HDLBP: variants seen among roughly 807,000 people sequenced by gnomAD.
HDLBP encodes the protein high density lipoprotein binding protein, also known as vigilin.
Under a neutral mutation model 137.3 loss-of-function variants are expected in HDLBP, and 30 were observed. The ratio of observed to expected loss-of-function variants is 0.22; its 90% confidence interval spans 0.16 to 0.30. The LOEUF is 0.30. Among genes scored for constraint, HDLBP ranks in the 10% least tolerant of loss-of-function variants. HDLBP has a pLI of 1.00. For synonymous variants in HDLBP, 606 were observed against 596.0 expected (o/e 1.02, Z -0.24); for missense variants, 1,119 against 1,667.3 (o/e 0.67, Z 5.73).
intron 5 of HDLBP, among the ~76,000 whole-genome samples, chr2:241,261,361 G>T (rs1379861685): frequency 6.6e-6 from 1 of 152,176 alleles, no homozygotes; most frequent in African/African-American, 2.4e-5. Context: ...AACAGAGACT[G>T]GGTTAAAAAG....
In HDLBP at chr2:241,272,531, G is replaced by A; in HGVS notation, c.-102-3990C>T. The A allele has an allele frequency of 2.0e-6, 2 of 984,594 alleles. No homozygotes were observed. Among genetic ancestry groups the A allele is most frequent in the South Asian group, 4.7e-5 (1 of 21,278 alleles). 61.0% of individuals were successfully genotyped at this position (984,594 alleles called of 1,614,324 possible). Reference sequence around the variant, plus strand: ...CCCCTCCGCGCCACGGCCACGCGCAGAAGAGACTCGGAGCCGGCCCCAGGT... The same window carrying A: ...CCCCTCCGCGCCACGGCCACGCGCAAAAGAGACTCGGAGCCGGCCCCAGGT... On this transcript the variant is annotated intron_variant, in intron 1 of 27. Transcript: ENST00000310931. This position sits in a 1 kb window ranked among gnomAD's most constrained non-coding sequence, Gnocchi z 5.6.
intron 1 of HDLBP, chr2:241,269,208 T>C (rs1352029319): frequency 6.6e-6 from 1 of 152,136 alleles, no homozygotes; most frequent in East Asian, 1.9e-4. Context: ...CACCTTGCCT[T>C]AGGGGACTCT....
At chr2:241,314,736 C>A (rs918235282) in intron 1 of HDLBP, among the ~76,000 whole-genome samples, 14 of 152,188 alleles carry the variant, frequency 9.2e-5, no homozygotes, top group African/African-American at 3.1e-4. Context: ...GAGCACCTAA[C>A]CACTTTTCAA....
Position 241,272,576 on chromosome 2 carries a change from C to G in HDLBP, c.-102-4035G>C, listed in dbSNP as rs1433052938. ...CCAGGTCTGGCCCGGAACCGCCACG[C>G]GCGGTAAGCAGGACACCCGCGGGCG... On this transcript the variant is annotated intron_variant, in intron 1 of 27. Transcript: ENST00000310931. This position sits in a 1 kb window ranked among gnomAD's most constrained non-coding sequence, Gnocchi z 5.6. 1.0e-6 allele frequency: 1 copy of G among 984,284 alleles called. No homozygotes were observed. The highest frequency in any genetic ancestry group is 1.8e-5 in the African/African-American group (1 of 57,080). 61.0% of individuals were successfully genotyped at this position (984,284 alleles called of 1,614,324 possible). A position where few individuals can be genotyped will look rare whatever the true frequency, so the allele number is the denominator to read the frequency against.
chr2:241,302,179 G>A (rs554478031), intron 1 of HDLBP, among the ~76,000 whole-genome samples: 2 of 152,140 alleles, frequency 1.3e-5, no homozygotes, highest in East Asian at 3.9e-4. Flanking sequence ...GATCATTTGA[G>A]CCCAGGAGTT....
intron 11 of HDLBP, among the ~76,000 whole-genome samples, chr2:241,252,226 G>A (rs1427467111): frequency 2.0e-5 from 3 of 152,198 alleles, no homozygotes; most frequent in Non-Finnish European, 4.4e-5. Context: ...CCCCTGCTGG[G>A]TGTGGTGGCT....
chr2:241,237,029 CTG>C (rs2070615366), intron 20 of HDLBP, among the ~76,000 whole-genome samples: 1 of 145,484 alleles, frequency 6.9e-6, no homozygotes, highest in Non-Finnish European at 1.5e-5. Flanking sequence ...GCCGTGAGCT[CTG>C]TGTCTCCCTT....
At position 241,239,737 on chromosome 2, in the gene HDLBP, C is replaced by T; in HGVS notation, c.2475G>A (p.Glu825=). ...TCACCCCGCCATACTCTTCAGCAAT[C>T]TCCCGCAAGACCTGGCCTCTGCGGA... is the stretch of plus-strand genomic sequence containing the variant. ...FVIRRGQVLR[E]IAEEYGGVMV... is the part of the protein sequence containing the mutation. The change falls in exon 19 of 28, where the codon GAG becomes GAA. Residue 825 remains glutamate (E), a synonymous_variant. Coordinates refer to ENST00000310931, the MANE Select transcript of HDLBP (RefSeq NM_005336.6). The surrounding 1 kb of genome is among the most constrained non-coding windows in gnomAD (Gnocchi z 4.6). 5 of 1,614,230 alleles carry T rather than the reference C, an allele frequency of 3.1e-6. No homozygotes were observed. Among genetic ancestry groups the T allele is most frequent in the African/African-American group, 1.3e-5 (1 of 75,064 alleles).
chr2:241,250,660 C>T (rs1045174287), intron 11 of HDLBP: 3 of 152,402 alleles, frequency 2.0e-5, no homozygotes, highest in Non-Finnish European at 2.9e-5. Context: ...GGAAGCCCAG[C>T]TTGCTGGAAG....
At position 241,242,577 on chromosome 2, in the gene HDLBP, G is replaced by A. The variant is rs369640609; in HGVS notation, c.2052C>T (p.Gly684=). 3.7e-5 allele frequency: 59 copies of A among 1,614,054 alleles called. No homozygotes were observed. Among genetic ancestry groups the A allele is most frequent in the Admixed American group, 1.5e-4 (9 of 59,994 alleles). The part of the protein sequence containing the change: ...RLIRSIMEEC[G]GVHIHFPVEG... The stretch of plus-strand genomic sequence containing the variant: ...CCACGGGAAAGTGAATGTGGACCCC[G>A]CCGCACTCCTCCATGATGGAGCGGA... The change falls in exon 17 of 28, where the codon GGC becomes GGT. Residue 684 remains glycine, a synonymous_variant. Transcript: ENST00000310931.
At chr2:241,302,441 G>T (rs532644020) in intron 1 of HDLBP, among the ~76,000 whole-genome samples, 48 of 152,244 alleles carry the variant, frequency 3.2e-4, no homozygotes, top group African/African-American at 1.2e-3. Context: ...TAGCTACTCG[G>T]CAGAAGCAGG....
Position 241,233,684 on chromosome 2 carries a change from AT to A in HDLBP, c.3288+135del. On this transcript the variant is annotated intron_variant, in intron 24 of 27. Coordinates refer to ENST00000310931, the MANE Select transcript of HDLBP (RefSeq NM_005336.6). The surrounding 1 kb of genome is among the most constrained non-coding windows in gnomAD (Gnocchi z 4.3). ...GACACAGCCCAAACCTCAAGCCAGA[AT>A]TAGGTCCTGAGAGACTTGCCACTCT... 1 of 895,580 alleles carries A rather than the reference AT, an allele frequency of 1.1e-6. No homozygotes were observed. 55.5% of individuals were successfully genotyped at this position (895,580 alleles called of 1,614,324 possible). A position where few individuals can be genotyped will look rare whatever the true frequency, so the allele number is the denominator to read the frequency against.
Position 241,272,270 on chromosome 2 carries a change from C to T in HDLBP, c.-102-3729G>A, listed in dbSNP as rs1453401491. ...CGCCGCCACCTGGGGGGAAGGACCC[C>T]GCTGGCCTCCCAGGGACCCCCACCC... On this transcript the variant is annotated intron_variant, in intron 1 of 27. Coordinates refer to ENST00000310931, the MANE Select transcript of HDLBP (RefSeq NM_005336.6). The surrounding 1 kb of genome is among the most constrained non-coding windows in gnomAD (Gnocchi z 5.6). 1.0e-6 allele frequency: 1 copy of T among 975,772 alleles called. No homozygotes were observed. The highest frequency in any genetic ancestry group is 1.2e-6 in the Non-Finnish European group (1 of 821,368). The allele number at this position is 975,772 out of a possible 1,614,324, so 60.4% of individuals were successfully genotyped here. A position where few individuals can be genotyped will look rare whatever the true frequency, so the allele number is the denominator to read the frequency against.
chr2:241,238,515 T>A lies in HDLBP; in HGVS notation c.2749+134A>T, dbSNP rs2070828182. On this transcript the variant is annotated intron_variant, in intron 20 of 27. Coordinates refer to ENST00000310931, the MANE Select transcript of HDLBP (RefSeq NM_005336.6). This position sits in a 1 kb window ranked among gnomAD's most constrained non-coding sequence, Gnocchi z 4.9. ...AGGCCAGGGAGTGACCCTGAACCTC[T>A]GGAAGCCCCCAGAATACATAGATGG... 2 of 682,906 alleles carry A rather than the reference T, an allele frequency of 2.9e-6. No homozygotes were observed. The highest frequency in any genetic ancestry group is 3.6e-5 in the African/African-American group (2 of 55,250). 42.3% of individuals were successfully genotyped at this position (682,906 alleles called of 1,614,324 possible).
intron 1 of HDLBP, chr2:241,273,758 C>A: frequency 4.2e-6 from 3 of 710,028 alleles, no homozygotes; most frequent in Non-Finnish European, 5.2e-6. Context: ...GGAATGGGGT[C>A]AGGTCCGCAC....
intron 1 of HDLBP, among the ~76,000 whole-genome samples, chr2:241,288,705 C>T (rs1166861829): frequency 2.0e-5 from 3 of 152,312 alleles, no homozygotes; most frequent in Admixed American, 2.0e-4. Flanking sequence ...CCCTGAGCCG[C>T]TGAAAGGTGT....
At chr2:241,255,298 C>T (rs1271425636) in intron 8 of HDLBP, 76 bp downstream of exon 8, 16 of 1,467,068 alleles carry the variant, frequency 1.1e-5, no homozygotes, top group Non-Finnish European at 1.4e-5. Context: ...CCAGGATTTA[C>T]AAATCGAGAG....
intron 23 of HDLBP, 97 bp from the exon 24 acceptor site, chr2:241,234,060 T>A: frequency 7.2e-7 from 1 of 1,392,216 alleles, no homozygotes. Context: ...CTGGAGATGC[T>A]GCAGTGTTCT....
intron 1 of HDLBP, among the ~76,000 whole-genome samples, chr2:241,309,580 G>C (rs890015146): frequency 1.3e-5 from 2 of 152,206 alleles, no homozygotes; most frequent in African/African-American, 4.8e-5. Flanking sequence ...CAGGAGACCT[G>C]AATTAAAAAC....
Sources: gnomAD v4.1 joint callset for allele counts (sites outside exome capture counted in the v4.1 genomes callset) on GRCh38, gnomAD v4.1.1 for gene constraint, Gnocchi (gnomAD v3.1) non-coding constraint, MANE v1.5 for transcripts, NCBI Gene and HGNC (gene_info 2026-07-23, HGNC 2026-07-21) for gene names.